Variants in ATP13A4 observed in about 807,000 individuals in gnomAD.
The protein encoded by ATP13A4 is ATPase 13A4.
A neutral mutation model predicts 142.5 loss-of-function variants in ATP13A4; 114 were observed. The observed-to-expected ratio is 0.80, with a 90% confidence interval of 0.69 to 0.93. ATP13A4 has a LOEUF of 0.93. Among genes scored for constraint, ATP13A4 ranks in the 40% least tolerant of loss-of-function variants. The pLI is 0.00. For synonymous variants in ATP13A4, 488 were observed against 514.8 expected, an observed-to-expected ratio of 0.95 and a Z score of 0.70; for missense variants, 1,392 against 1,454.0, an observed-to-expected ratio of 0.96 and a Z score of 0.69.
intron 21 of ATP13A4, 136 bp from the exon 22 acceptor site, chr3:193,439,201 G>T: frequency 1.1e-6 from 1 of 912,292 alleles, no homozygotes. Context: ...AGTCTAGTTT[G>T]ACTGAAAAAA....
chr3:193,548,100 G>A (rs898302359), intron 1 of ATP13A4, among the ~76,000 whole-genome samples: 4 of 152,152 alleles, frequency 2.6e-5, no homozygotes, highest in Non-Finnish European at 5.9e-5. Context: ...ATAAGCTTTT[G>A]TTATTCTTGG....
rs2108611534 is a variant in ATP13A4, at chr3:193,424,320, A to AC, written c.2842+9524_2842+9525insG. ...CACCAAAGAAATTTTTCACAGAAAT[A>AC]GAAAAAAAAATCCTAAAATGTATAG... On this transcript the variant is annotated intron_variant, in intron 25 of 29. Coordinates refer to ENST00000342695, the MANE Select transcript of ATP13A4 (RefSeq NM_032279.4). 4.5e-5 allele frequency among the ~76,000 whole-genome samples: 3 copies of AC among 67,366 alleles called. 1 individual carries two copies. In the Admixed American group the frequency reaches 5.2e-4, roughly 12 times the overall value. 44.2% of individuals were successfully genotyped at this position (67,366 alleles called of 152,430 possible).
At chr3:193,435,513 A>G in intron 24 of ATP13A4, 135 bp downstream of exon 24, 1 of 793,198 alleles carries the variant, frequency 1.3e-6, no homozygotes, top group Non-Finnish European at 2.2e-6. Flanking sequence ...ACAAATTCTT[A>G]AGGATATTTT....
intron 25 of ATP13A4, among the ~76,000 whole-genome samples, chr3:193,432,907 C>T (rs1290511625): frequency 6.6e-6 from 1 of 152,002 alleles, no homozygotes. Flanking sequence ...TGTCATTATA[C>T]ATATGTTCAA....
chr3:193,516,897 A>T (rs1160493525), intron 1 of ATP13A4, among the ~76,000 whole-genome samples: 1 of 152,232 alleles, frequency 6.6e-6, no homozygotes, highest in East Asian at 1.9e-4. Flanking sequence ...AGAAAACTAA[A>T]GTTCAAAGTT....
intron 8 of ATP13A4, among the ~76,000 whole-genome samples, chr3:193,481,612 T>G (rs1719298352): frequency 6.6e-6 from 1 of 152,190 alleles, no homozygotes; most frequent in Non-Finnish European, 1.5e-5. Context: ...AATTTTGGCT[T>G]ACAGAACTGT....
At chr3:193,490,607 C>T (rs953369335) in intron 6 of ATP13A4, among the ~76,000 whole-genome samples, 1 of 152,166 alleles carries the variant, frequency 6.6e-6, no homozygotes, top group Non-Finnish European at 1.5e-5. Context: ...TAAATTCCCC[C>T]TAGCTGGTTT....
At chr3:193,487,906 C>T (rs546062288) in intron 7 of ATP13A4, among the ~76,000 whole-genome samples, 254 of 152,186 alleles carry the variant, frequency 1.7e-3, no homozygotes, top group Non-Finnish European at 2.7e-3. Context: ...TTAAAAATTA[C>T]GGTACATCTA....
intron 1 of ATP13A4, among the ~76,000 whole-genome samples, chr3:193,551,936 T>C (rs960257289): frequency 5.2e-4 from 79 of 152,276 alleles, no homozygotes; most frequent in African/African-American, 1.8e-3. Flanking sequence ...TTAGTTCCTG[T>C]TTGCTTTTGG....
chr3:193,421,858 G>C (rs1190595836), intron 25 of ATP13A4, among the ~76,000 whole-genome samples: 1 of 148,914 alleles, frequency 6.7e-6, no homozygotes, highest in African/African-American at 2.5e-5. Flanking sequence ...AAATCAAAGA[G>C]ATAAAAAGAA....
At chr3:193,546,246 T>C (rs1280859977) in intron 1 of ATP13A4, among the ~76,000 whole-genome samples, 1 of 152,130 alleles carries the variant, frequency 6.6e-6, no homozygotes, top group East Asian at 1.9e-4. Context: ...GAACTGAAAC[T>C]CACCAGATCA....
intron 1 of ATP13A4, among the ~76,000 whole-genome samples, chr3:193,582,757 A>T (rs1458948485): frequency 1.8e-5 from 1 of 56,568 alleles, no homozygotes; most frequent in African/African-American, 9.9e-5. Context: ...ACATATATAA[A>T]ATATATATGT....
chr3:193,518,573 G>T (rs1345856815), intron 1 of ATP13A4, among the ~76,000 whole-genome samples: 1 of 152,202 alleles, frequency 6.6e-6, no homozygotes, highest in African/African-American at 2.4e-5. Flanking sequence ...CCTAGCTTTT[G>T]TTTGTGGTGA....
chr3:193,571,318 T>C (rs1253639064), intron 2 of ATP13A4, among the ~76,000 whole-genome samples: 1 of 136,198 alleles, frequency 7.3e-6, no homozygotes, highest in African/African-American at 2.9e-5. Flanking sequence ...CAAAGAGAGA[T>C]ACAAATAAAC....
chr3:193,419,251 G>A (rs764060572), intron 25 of ATP13A4, among the ~76,000 whole-genome samples: 10 of 149,876 alleles, frequency 6.7e-5, no homozygotes, highest in Non-Finnish European at 1.3e-4. Flanking sequence ...GGAAGAAAAA[G>A]AGTACTATGG....
intron 2 of ATP13A4, among the ~76,000 whole-genome samples, chr3:193,512,013 CT>C (rs1257800304): frequency 2.0e-5 from 3 of 151,978 alleles, no homozygotes; most frequent in African/African-American, 7.3e-5. Flanking sequence ...CCCATTTCCT[CT>C]TATTCTTGTC....
intron 17 of ATP13A4, among the ~76,000 whole-genome samples, chr3:193,450,473 G>A (rs1717212606): frequency 6.6e-6 from 1 of 152,218 alleles, no homozygotes; most frequent in Non-Finnish European, 1.5e-5. Flanking sequence ...GACTGTAGTA[G>A]CAGAGACTGG....
intron 28 of ATP13A4, among the ~76,000 whole-genome samples, chr3:193,408,329 T>C (rs1407372807): frequency 2.0e-5 from 3 of 152,234 alleles, no homozygotes; most frequent in African/African-American, 7.2e-5. Flanking sequence ...TAATAAAAAC[T>C]TGGAAACATC....
rs1329495064 is a variant in ATP13A4, at chr3:193,433,860, G to A, written c.2827C>T (p.Leu943Phe). 2 of 1,613,330 alleles carry A rather than the reference G, an allele frequency of 1.2e-6. No homozygotes were observed. ...FLFQDLAITTLIGVTMNLNGA... is the reference protein window; with the variant it reads ...FLFQDLAITTFIGVTMNLNGA... ...AATGTCTTACTTGTTACACCAATAA[G>A]AGTTGTAATGGCCAGATCCTGGAAC... Residue 943 changes from leucine (L) to phenylalanine (F), a missense_variant, in exon 25 of 30, where the codon CTT becomes TTT. Transcript: ENST00000342695.
Sources: gnomAD v4.1 joint callset for allele counts (sites outside exome capture counted in the v4.1 genomes callset) on GRCh38, gnomAD v4.1.1 for gene constraint, MANE v1.5 for transcripts, NCBI Gene and HGNC (gene_info 2026-07-23, HGNC 2026-07-21) for gene names.